The following PITPNM2 variants were observed in gnomAD, a reference collection of about 807,000 sequenced individuals.
PITPNM2 encodes the protein phosphatidylinositol transfer protein membrane associated 2.
PITPNM2 carries 35 observed loss-of-function variants against 132.2 expected under a neutral mutation model. That is an observed-to-expected ratio of 0.26 (90% CI 0.20 to 0.35). The LOEUF (loss-of-function observed/expected upper bound fraction) is 0.35. PITPNM2 is among the 10% of genes least tolerant of loss of function. PITPNM2 has a pLI of 1.00. For synonymous variants in PITPNM2, 738 were observed against 799.2 expected (o/e 0.92, Z 1.29); for missense variants, 1,332 against 1,912.0 (o/e 0.70, Z 5.66).
At chr12:122,990,859 G>A in intron 16 of PITPNM2, 150 bp from the exon 17 acceptor site, 4 of 842,700 alleles carry the variant, frequency 4.7e-6, no homozygotes, top group Non-Finnish European at 7.2e-6. Flanking sequence ...GGCCGTGAGA[G>A]GAAGGGGCCC....
Position 122,997,587 on chromosome 12 carries a change from G to A in PITPNM2, c.1225-15C>T, listed in dbSNP as rs1235772123. Reference sequence around the variant, plus strand: ...CTAACCTCGTCCTGCATGGGTTGGGGGACAGTGTCAGCTCCCCAGGGAACC... The same window carrying A: ...CTAACCTCGTCCTGCATGGGTTGGGAGACAGTGTCAGCTCCCCAGGGAACC... On this transcript the variant is annotated splice_polypyrimidine_tract_variant and intron_variant, in intron 10 of 25. Coordinates refer to ENST00000320201, the MANE Select transcript of PITPNM2 (RefSeq NM_020845.3). 1 of 1,602,262 alleles carries A rather than the reference G, an allele frequency of 6.2e-7. No individual in the cohort carries two copies. The highest frequency in any genetic ancestry group is 8.5e-7 in the Non-Finnish European group (1 of 1,170,978).
rs2038362078 is a variant in PITPNM2, at chr12:122,994,996, GA to G, written c.2055-18del. The G allele has an allele frequency of 6.3e-7, 1 of 1,582,556 alleles. No homozygotes were observed. The highest frequency in any genetic ancestry group is 8.6e-7 in the Non-Finnish European group (1 of 1,165,278). ...GCATGGAGGCTGCAGACCCAAATAA[GA>G]CTTAGCTGTCATGTGGGTGCAGCTG... On this transcript the variant is annotated intron_variant, in intron 14 of 25. Coordinates refer to ENST00000320201, the MANE Select transcript of PITPNM2 (RefSeq NM_020845.3). This position sits in a 1 kb window ranked among gnomAD's most constrained non-coding sequence, Gnocchi z 5.4.
chr12:123,069,987 G>A (rs932668809), intron 2 of PITPNM2, among the ~76,000 whole-genome samples: 4 of 152,146 alleles, frequency 2.6e-5, no homozygotes, highest in African/African-American at 9.7e-5. Flanking sequence ...TCTGCACCCG[G>A]TGCTCATATG....
chr12:123,025,782 A>G (rs1052714323), intron 3 of PITPNM2, among the ~76,000 whole-genome samples: 2 of 152,152 alleles, frequency 1.3e-5, no homozygotes, highest in Admixed American at 6.5e-5. Flanking sequence ...TGGATGCTCT[A>G]AGCTCCCACC....
intron 1 of PITPNM2, among the ~76,000 whole-genome samples, chr12:123,112,830 A>G (rs899938171): frequency 7.9e-5 from 12 of 152,104 alleles, no homozygotes; most frequent in South Asian, 2.1e-4. Flanking sequence ...GAGCCACTGC[A>G]CCCAGCCTAA....
chr12:122,987,378 C>T lies in PITPNM2; in HGVS notation c.3316G>A (p.Glu1106Lys). 1 of 1,613,748 alleles carries T rather than the reference C, an allele frequency of 6.2e-7. No individual in the cohort carries two copies. The highest frequency in any genetic ancestry group is 8.5e-7 in the Non-Finnish European group (1 of 1,180,034). Residue 1106 changes from glutamate (E) to lysine (K), a missense_variant, in exon 23 of 26, where the codon GAG becomes AAG. Glu to Lys is a moderately conservative substitution (Grantham distance 56, BLOSUM62 1). This residue lies in a region of PITPNM2 where 251 missense variants were observed against 472.0 expected (regional missense o/e 0.53). Transcript: ENST00000320201. ...CCGTCGATGCTGAAGACCACGAACT[C>T]TGTGCCCTTGGGCAGCACGGTGATG... ...SYITVLPKGT[E>K]FVVFSIDGSF... is the part of the protein sequence containing the mutation.
intron 8 of PITPNM2, among the ~76,000 whole-genome samples, chr12:123,001,534 G>A (rs2038677508): frequency 6.6e-6 from 1 of 152,168 alleles, no homozygotes; most frequent in Non-Finnish European, 1.5e-5. Context: ...TGTCTATTAT[G>A]GACATTTCCT....
Position 122,986,115 on chromosome 12 carries a change from C to G in PITPNM2, c.3962G>C (p.Gly1321Ala). The G allele has an allele frequency of 6.7e-7, 1 of 1,500,100 alleles. No homozygotes were observed. The highest frequency in any genetic ancestry group is 8.8e-7 in the Non-Finnish European group (1 of 1,132,186). The allele number at this position is 1,500,100 out of a possible 1,614,324, so 92.9% of individuals were successfully genotyped here. The change falls in exon 26 of 26, where the codon GGC becomes GCC. Residue 1321 changes from glycine to alanine, a missense_variant. Coordinates refer to ENST00000320201, the MANE Select transcript of PITPNM2 (RefSeq NM_020845.3). ...GGCCGCCACACTCATGCTGCGCTGG[C>G]CCCGCTGCTCGCCATCCGCCTGGCT... ...TQSQADGEQRGQRSMSVAAGC... is the reference protein window; with the variant it reads ...TQSQADGEQRAQRSMSVAAGC...
rs1399152944 is a variant in PITPNM2 at position 123,031,151 on chromosome 12, A to G, written c.78+3362T>C. On this transcript the variant is annotated intron_variant, in intron 3 of 25. Transcript: ENST00000320201. The surrounding 1 kb of genome is among the most constrained non-coding windows in gnomAD (Gnocchi z 4.5). ...GTTAATGTTTTGTGAATTTCACCTC[A>G]ATAAAAGCAAAACAAGACAACAACC... Among the ~76,000 whole-genome samples the G allele has an allele frequency of 6.6e-6, 1 of 152,238 alleles. No individual in the cohort carries two copies. The highest frequency in any genetic ancestry group is 2.4e-5 in the African/African-American group (1 of 41,468).
chr12:123,114,371 G>C (rs1043016486), intron 1 of PITPNM2, among the ~76,000 whole-genome samples: 2 of 151,560 alleles, frequency 1.3e-5, no homozygotes, highest in African/African-American at 4.9e-5. Flanking sequence ...CCTGCCCAAA[G>C]GCAAATTCCA....
intron 3 of PITPNM2, chr12:123,021,661 A>T: frequency 4.1e-6 from 4 of 984,924 alleles, no homozygotes; most frequent in Non-Finnish European, 4.8e-6. Flanking sequence ...TTCCCTGAGG[A>T]TGTGGGGCAT....
intron 2 of PITPNM2, among the ~76,000 whole-genome samples, chr12:123,105,665 A>T (rs1566295753): frequency 6.6e-6 from 1 of 152,090 alleles, no homozygotes; most frequent in African/African-American, 2.4e-5. Context: ...GCCTCCAGGC[A>T]CCTGGAGTGC....
intron 1 of PITPNM2, among the ~76,000 whole-genome samples, chr12:123,122,863 TA>T (rs2043059066): frequency 6.6e-6 from 1 of 152,216 alleles, no homozygotes; most frequent in Admixed American, 6.5e-5. Flanking sequence ...TTATTTTACT[TA>T]AAAGCTCTTC....
intron 1 of PITPNM2, among the ~76,000 whole-genome samples, chr12:123,134,779 C>T (rs1335444831): frequency 6.6e-6 from 1 of 152,166 alleles, no homozygotes. Context: ...ACATAAAGCT[C>T]AGGGCCAGGT....
intron 2 of PITPNM2, chr12:123,075,510 G>C (rs928877029): frequency 1.3e-5 from 2 of 152,236 alleles, no homozygotes; most frequent in Non-Finnish European, 2.9e-5. Flanking sequence ...GAACCACAGG[G>C]CTTCCCACCA....
intron 2 of PITPNM2, among the ~76,000 whole-genome samples, chr12:123,094,375 C>T (rs1385821873): frequency 2.6e-5 from 4 of 152,198 alleles, no homozygotes; most frequent in South Asian, 2.1e-4. Context: ...CGGCTGACCT[C>T]GGAAAGGCCC....
At chr12:123,123,905 T>C (rs1422615557) in intron 1 of PITPNM2, among the ~76,000 whole-genome samples, 2 of 145,832 alleles carry the variant, frequency 1.4e-5, no homozygotes, top group Non-Finnish European at 3.0e-5. Flanking sequence ...CACCGCACTC[T>C]ACCCTGGGCA....
At chr12:123,072,827 T>A (rs2041655770) in intron 2 of PITPNM2, among the ~76,000 whole-genome samples, 1 of 152,210 alleles carries the variant, frequency 6.6e-6, no homozygotes, top group Non-Finnish European at 1.5e-5. Context: ...GAAACCATCA[T>A]AAGATACAAC....
Position 123,150,091 on chromosome 12 carries a change from AT to A in PITPNM2, c.-200+661del, listed in dbSNP as rs1426148971. 6.6e-6 allele frequency: 1 copy of A among 152,562 alleles called. No individual in the cohort carries two copies. The highest frequency in any genetic ancestry group is 1.5e-5 in the Non-Finnish European group (1 of 68,514). 9.5% of individuals were successfully genotyped at this position (152,562 alleles called of 1,614,324 possible). A position where few individuals can be genotyped will look rare whatever the true frequency, so the allele number is the denominator to read the frequency against. ...TGTTCACCTGGAGTGGCCGTTTGGG[AT>A]TTCTTGCGGGGAGGCAGTGCACACT... On this transcript the variant is annotated intron_variant, in intron 1 of 25. Coordinates refer to ENST00000320201, the MANE Select transcript of PITPNM2 (RefSeq NM_020845.3). This position sits in a 1 kb window ranked among gnomAD's most constrained non-coding sequence, Gnocchi z 6.0.
Sources: gnomAD v4.1 joint callset for allele counts (sites outside exome capture counted in the v4.1 genomes callset) on GRCh38, gnomAD v4.1.1 for gene constraint, gnomAD v4.1.1 regional missense constraint, Gnocchi (gnomAD v3.1) non-coding constraint, MANE v1.5 for transcripts, NCBI Gene and HGNC (gene_info 2026-07-23, HGNC 2026-07-21) for gene names.